RUBCN: variants seen among roughly 807,000 people sequenced by gnomAD.
The protein encoded by RUBCN is rubicon autophagy regulator.
RUBCN carries 74 observed loss-of-function variants against 113.2 expected under a neutral mutation model. The ratio of observed to expected loss-of-function variants is 0.65; its 90% CI spans 0.54 to 0.79. The LOEUF (loss-of-function observed/expected upper bound fraction) is 0.79. Ranked by LOEUF, RUBCN falls within the 30% of genes least tolerant of loss-of-function variation. RUBCN has a pLI of 0.00. For synonymous variants in RUBCN, 480 were observed against 490.0 expected, an observed-to-expected ratio of 0.98 and a Z score of 0.27; for missense variants, 1,109 against 1,251.7, an observed-to-expected ratio of 0.89 and a Z score of 1.72.
intron 16 of RUBCN, among the ~76,000 whole-genome samples, chr3:197,679,187 C>A (rs1258702885): frequency 2.0e-5 from 3 of 149,464 alleles, no homozygotes; most frequent in Non-Finnish European, 3.0e-5. Context: ...GACTGTCCTA[C>A]GCTCTGACAA....
intron 1 of RUBCN, chr3:197,748,006 A>C (rs569487511): frequency 2.6e-5 from 4 of 151,660 alleles, no homozygotes; most frequent in Admixed American, 1.3e-4. Context: ...ATCTCAGCTC[A>C]CTGCAACCTC....
rs200274445 is a variant in RUBCN, at chr3:197,701,046, G to T, written c.828C>A (p.Pro276=). The T allele has an allele frequency of 1.9e-6, 3 of 1,613,912 alleles. No individual in the cohort carries two copies. The highest frequency in any genetic ancestry group is 1.7e-5 in the Admixed American group (1 of 59,994). Residue 276 remains proline (P), a synonymous_variant, in exon 7 of 20, where the codon CCC becomes CCA. Transcript: ENST00000296343. ...SPAEDQTIQA[P]PVSVSALARD... is the part of the protein sequence containing the mutation. ...TGGCTAGTGCAGAGACTGAAACTGGGGGGGCTTGGATGGTTTGATCCTCTG... is the reference window on the plus strand; with the variant it reads ...TGGCTAGTGCAGAGACTGAAACTGGTGGGGCTTGGATGGTTTGATCCTCTG...
At chr3:197,745,295 AAAG>A (rs1455740568) in intron 1 of RUBCN, among the ~76,000 whole-genome samples, 9 of 149,122 alleles carry the variant, frequency 6.0e-5, no homozygotes, top group African/African-American at 9.9e-5. Flanking sequence ...AAAAAAAAAA[AAAG>A]AAAGAAAAGA....
chr3:197,732,822 G>C (rs751068461), intron 1 of RUBCN, among the ~76,000 whole-genome samples: 2 of 152,190 alleles, frequency 1.3e-5, no homozygotes, highest in African/African-American at 4.8e-5. Flanking sequence ...TCGGATGAAG[G>C]AGCCACTGAA....
At chr3:197,725,066 C>G (rs1002228737) in intron 1 of RUBCN, among the ~76,000 whole-genome samples, 1 of 152,128 alleles carries the variant, frequency 6.6e-6, no homozygotes, top group African/African-American at 2.4e-5. Context: ...ATAATCTGAA[C>G]AAACCAGAAG....
chr3:197,743,977 C>CT (rs1312864330), intron 1 of RUBCN, among the ~76,000 whole-genome samples: 4 of 151,870 alleles, frequency 2.6e-5, no homozygotes, highest in African/African-American at 9.7e-5. Context: ...GAGTGAGACT[C>CT]TGTCTAAAAA....
intron 2 of RUBCN, among the ~76,000 whole-genome samples, chr3:197,708,332 C>G (rs1724556187): frequency 6.6e-6 from 1 of 151,808 alleles, no homozygotes; most frequent in Admixed American, 6.6e-5. Flanking sequence ...GATGGGGTTT[C>G]ACCATGTTGG....
Position 197,681,902 on chromosome 3 carries a change from G to A in RUBCN, c.2127-3C>T. ...GCTTGGCCACGGCAATTTTCCTCCT[G>A]AGGAAGGGTAAGGACAGGGCATTGG... On this transcript the variant is annotated splice_region_variant and splice_polypyrimidine_tract_variant and intron_variant, in intron 14 of 19. Coordinates refer to ENST00000296343, the MANE Select transcript of RUBCN (RefSeq NM_014687.4). This position sits in a 1 kb window ranked among gnomAD's most constrained non-coding sequence, Gnocchi z 5.5. 6.2e-7 allele frequency: 1 copy of A among 1,613,662 alleles called. No homozygotes were observed. Among genetic ancestry groups the A allele is most frequent in the South Asian group, 1.1e-5 (1 of 91,064 alleles).
chr3:197,705,333 G>A (rs1422071728), intron 2 of RUBCN, among the ~76,000 whole-genome samples, 158 bp from the exon 3 acceptor site: 1 of 152,126 alleles, frequency 6.6e-6, no homozygotes, highest in African/African-American at 2.4e-5. Context: ...GGCCAGGGGT[G>A]GTGGCTCACA....
chr3:197,704,426 G>A (rs1724049578), intron 4 of RUBCN, 116 bp downstream of exon 4: 1 of 971,156 alleles, frequency 1.0e-6, no homozygotes, highest in Non-Finnish European at 1.7e-6. Context: ...AAGAGCGTAA[G>A]TCCATCTCAA....
rs1720052844 is a variant in RUBCN at position 197,674,005 on chromosome 3, G to C, written c.*1013C>G. 1 of 152,294 alleles carries C rather than the reference G, an allele frequency of 6.6e-6. No individual in the cohort carries two copies. Among genetic ancestry groups the C allele is most frequent in the African/African-American group, 2.4e-5 (1 of 41,448 alleles). The allele number at this position is 152,294 out of a possible 1,614,324, so 9.4% of individuals were successfully genotyped here. On this transcript the variant is annotated 3_prime_UTR_variant, in exon 20 of 20. Transcript: ENST00000296343. ...TGCTGCAGGAAGGGGAGAGAACGGA[G>C]TCGGGTTGTACTTTTACTCAGAAGC...
In RUBCN at chr3:197,711,941, G is replaced by A. The variant is rs535053089; in HGVS notation, c.219+6036C>T. 3.3e-5 allele frequency among the ~76,000 whole-genome samples: 5 copies of A among 152,104 alleles called. No homozygotes were observed. In the South Asian group the frequency reaches 1.0e-3, roughly 32 times the overall value. ...ATGTTAGAGTGGTGACTATCGCTTG[G>A]TGTTGGGATTATGGGTGATATTTAC... is the stretch of plus-strand genomic sequence containing the variant. On this transcript the variant is annotated intron_variant, in intron 2 of 19. Transcript: ENST00000296343.
At chr3:197,694,083 G>C in intron 10 of RUBCN, 1 of 574,996 alleles carries the variant, frequency 1.7e-6, no homozygotes, top group Non-Finnish European at 3.2e-6. Context: ...TAGAGCTGGG[G>C]TTTCACCATG....
intron 7 of RUBCN, among the ~76,000 whole-genome samples, chr3:197,700,144 T>C (rs1314902834): frequency 1.3e-5 from 2 of 152,218 alleles, no homozygotes; most frequent in Non-Finnish European, 2.9e-5. Flanking sequence ...ACTCAGTTGC[T>C]GGATCGCATC....
At chr3:197,698,488 A>G (rs1316179290) in intron 7 of RUBCN, among the ~76,000 whole-genome samples, 1 of 152,210 alleles carries the variant, frequency 6.6e-6, no homozygotes, top group Non-Finnish European at 1.5e-5. Flanking sequence ...AATCCTATGC[A>G]ATAGCTGGAA....
chr3:197,717,541 C>G (rs1725683913), intron 2 of RUBCN, among the ~76,000 whole-genome samples: 1 of 152,014 alleles, frequency 6.6e-6, no homozygotes, highest in South Asian at 2.1e-4. Flanking sequence ...TGCAGGAAAC[C>G]TAGAGAAGCT....
chr3:197,749,764 C>T, upstream of RUBCN: 1 of 565,048 alleles, frequency 1.8e-6, no homozygotes, highest in African/African-American at 1.9e-5. Context: ...CCTGCGAGGG[C>T]CGCTAGGAGC....
At chr3:197,713,678 G>C (rs923491475) in intron 2 of RUBCN, among the ~76,000 whole-genome samples, 26 of 152,136 alleles carry the variant, frequency 1.7e-4, no homozygotes, top group African/African-American at 6.3e-4. Flanking sequence ...CCTGAGGTGG[G>C]GGTCATCAAT....
chr3:197,675,369 T>C lies in RUBCN; in HGVS notation c.2740+53A>G. The C allele has an allele frequency of 6.4e-7, 1 of 1,550,844 alleles. No individual in the cohort carries two copies. Among genetic ancestry groups the C allele is most frequent in the Non-Finnish European group, 8.9e-7 (1 of 1,124,314 alleles). ...TGCTAACAGGGGTGGCTCTGGGGAA[T>C]CAAGGAGCCCTGTGTTCAGGCTCAC... On this transcript the variant is annotated intron_variant, in intron 19 of 19. Coordinates refer to ENST00000296343, the MANE Select transcript of RUBCN (RefSeq NM_014687.4). This position sits in a 1 kb window ranked among gnomAD's most constrained non-coding sequence, Gnocchi z 4.4.
Sources: gnomAD v4.1 joint callset for allele counts (sites outside exome capture counted in the v4.1 genomes callset) on GRCh38, gnomAD v4.1.1 for gene constraint, Gnocchi (gnomAD v3.1) non-coding constraint, MANE v1.5 for transcripts, NCBI Gene and HGNC (gene_info 2026-07-23, HGNC 2026-07-21) for gene names.